SERPINB6: variants seen among roughly 807,000 people sequenced by gnomAD.
The protein encoded by SERPINB6 is serpin family B member 6.
A neutral mutation model predicts 26.1 loss-of-function variants in SERPINB6; 16 were observed. The ratio of observed to expected loss-of-function variants is 0.61; its 90% CI spans 0.42 to 0.93. The LOEUF (loss-of-function observed/expected upper bound fraction) is 0.93, where lower values mean the gene tolerates loss of function less well. Ranked by LOEUF, SERPINB6 falls within the 40% of genes least tolerant of loss-of-function variation. The pLI, the probability that SERPINB6 is intolerant of heterozygous loss-of-function variation, is 0.00. For synonymous variants in SERPINB6, 174 were observed against 176.6 expected (o/e 0.99, Z 0.11); for missense variants, 420 against 478.0 (o/e 0.88, Z 1.13).
rs773598446 is a variant in SERPINB6 at position 2,959,253 on chromosome 6, A to C, written c.80T>G (p.Val27Gly). Residue 27 changes from valine to glycine, a missense_variant, in exon 2 of 7, where the codon GTG (valine) becomes GGG (glycine). Physicochemically the swap from Val to Gly is moderately radical, Grantham distance 109. Coordinates refer to ENST00000380539, the MANE Select transcript of SERPINB6 (RefSeq NM_004568.6). ...GGACATGCTCATGGGTGAGAAAAAC[A>C]CATTCTTCGAGTTGTCTTTACCCAG... Reference protein sequence around the residue: ...KTLGKDNSKNVFFSPMSMSCA... With the variant: ...KTLGKDNSKNGFFSPMSMSCA... 4 of 1,614,200 alleles carry C rather than the reference A, an allele frequency of 2.5e-6. No individual in the cohort carries two copies. The highest frequency in any genetic ancestry group is 3.4e-6 in the Non-Finnish European group (4 of 1,180,040).
intron 1 of SERPINB6, among the ~76,000 whole-genome samples, chr6:2,962,378 G>C (rs1321021024): frequency 1.3e-5 from 2 of 152,230 alleles, no homozygotes; most frequent in Non-Finnish European, 2.9e-5. Flanking sequence ...CTGAACTGGA[G>C]AAACCAGACC....
intron 2 of SERPINB6, 34 bp from the exon 3 acceptor site, chr6:2,955,704 C>A: frequency 1.2e-6 from 2 of 1,612,898 alleles, no homozygotes; most frequent in Non-Finnish European, 1.7e-6. Flanking sequence ...ACAAATCATT[C>A]CTGTATGCTC....
Position 2,948,309 on chromosome 6 carries a change from A to G in SERPINB6, c.1120T>C (p.Ser374Pro). The G allele has an allele frequency of 6.2e-7, 1 of 1,613,658 alleles. No individual in the cohort carries two copies. ...TNGILFCGRF[S>P]SP Reference sequence around the variant, plus strand: ...AGACTGCCCTGTCCTCACGGAGAGGAAAAGCGGCCGCAGAAGAGAATCCCG... The same window carrying G: ...AGACTGCCCTGTCCTCACGGAGAGGGAAAGCGGCCGCAGAAGAGAATCCCG... Residue 374 changes from serine (S) to proline (P), a missense_variant, in exon 7 of 7, where the codon TCC (serine) becomes CCC (proline). Physicochemically the swap from Ser to Pro is moderately conservative, Grantham distance 74. Coordinates refer to ENST00000380539, the MANE Select transcript of SERPINB6 (RefSeq NM_004568.6). This position sits in a 1 kb window ranked among gnomAD's most constrained non-coding sequence, Gnocchi z 5.0.
Position 2,955,610 on chromosome 6 carries a change from G to A in SERPINB6, c.226C>T (p.Leu76Phe), listed in dbSNP as rs769353821. The A allele has an allele frequency of 3.1e-6, 5 of 1,614,230 alleles. No homozygotes were observed. Among genetic ancestry groups the A allele is most frequent in the Non-Finnish European group, 4.2e-6 (5 of 1,180,022 alleles). Reference protein sequence around the residue: ...GDIHQGFQSLLTEVNKTGTQY... With the variant: ...GDIHQGFQSLFTEVNKTGTQY... ...GTGCCAGTCTTGTTCACTTCGGTGA[G>A]AAGAGACTGGAAGCCCTGGTGGATG... is the stretch of plus-strand genomic sequence containing the variant. The change falls in exon 3 of 7, where the codon CTC becomes TTC. Residue 76 changes from leucine to phenylalanine, a missense_variant. Transcript: ENST00000380539.
Position 2,953,081 on chromosome 6 carries a change from T to C in SERPINB6, c.536A>G (p.Lys179Arg). Residue 179 changes from lysine (K) to arginine (R), a missense_variant, in exon 5 of 7, where the codon AAG becomes AGG. Transcript: ENST00000380539. ...FRGNWDEQFD[K>R]ENTEERLFKV... The stretch of plus-strand genomic sequence containing the variant: ...AAACAGTCTCTCCTCGGTGTTCTCC[T>C]TGTCAAACTGTTCATCCCAGTTTCC... 1.9e-6 allele frequency: 3 copies of C among 1,614,240 alleles called. No individual in the cohort carries two copies. Among genetic ancestry groups the C allele is most frequent in the Non-Finnish European group, 2.5e-6 (3 of 1,180,034 alleles).
intron 1 of SERPINB6, chr6:2,968,815 A>G: frequency 1.6e-6 from 2 of 1,231,624 alleles, no homozygotes; most frequent in Non-Finnish European, 2.0e-6. Context: ...AGGACATGTC[A>G]GCTGGGAGCT....
intron 1 of SERPINB6, among the ~76,000 whole-genome samples, chr6:2,965,331 C>T (rs991378081): frequency 9.2e-5 from 14 of 152,212 alleles, no homozygotes; most frequent in African/African-American, 2.7e-4. Context: ...TGAGCATGCG[C>T]GACTTTCACG....
At chr6:2,959,121 C>A (rs1427625059) in intron 2 of SERPINB6, 47 bp downstream of exon 2, 4 of 1,609,850 alleles carry the variant, frequency 2.5e-6, no homozygotes, top group African/African-American at 1.3e-5. Context: ...TAAGGAGGAC[C>A]AGCTAACTTG....
intron 1 of SERPINB6, chr6:2,970,431 G>A: frequency 9.4e-7 from 1 of 1,061,108 alleles, no homozygotes; most frequent in South Asian, 4.6e-5. Flanking sequence ...GCTGATAACA[G>A]CAGTCACTGG....
intron 5 of SERPINB6, 96 bp from the exon 6 acceptor site, chr6:2,949,165 G>C: frequency 1.5e-6 from 2 of 1,360,500 alleles, no homozygotes; most frequent in African/African-American, 1.4e-5. Context: ...AGGGAGAAAC[G>C]CAGCTCGGTT....
intron 1 of SERPINB6, chr6:2,969,111 A>G (rs1200858391): frequency 2.9e-6 from 3 of 1,047,760 alleles, no homozygotes; most frequent in Non-Finnish European, 3.4e-6. Context: ...TCCTAAAAGG[A>G]AAGAAAAAAT....
intron 2 of SERPINB6, among the ~76,000 whole-genome samples, chr6:2,958,676 A>G (rs550049365): frequency 2.2e-4 from 34 of 152,290 alleles, no homozygotes; most frequent in African/African-American, 7.7e-4. Context: ...GCACCACTCA[A>G]TCCACCCAGA....
chr6:2,961,745 G>A (rs1034059009), intron 1 of SERPINB6: 9 of 864,580 alleles, frequency 1.0e-5, no homozygotes, highest in Non-Finnish European at 1.1e-5. Context: ...TGCCAGGTGA[G>A]ATGGCTCCTC....
At chr6:2,951,155 G>A (rs1769741708) in intron 5 of SERPINB6, among the ~76,000 whole-genome samples, 1 of 152,172 alleles carries the variant, frequency 6.6e-6, no homozygotes, top group Non-Finnish European at 1.5e-5. Flanking sequence ...GGAGGCCCGG[G>A]CAGGTGGATC....
chr6:2,961,433 T>C (rs1196566414), intron 1 of SERPINB6: 2 of 152,164 alleles, frequency 1.3e-5, no homozygotes, highest in African/African-American at 2.4e-5. Flanking sequence ...GGAACACCAG[T>C]ATAAACAAAA....
At chr6:2,971,338 T>G in intron 1 of SERPINB6, 195 bp downstream of exon 1, 1 of 267,148 alleles carries the variant, frequency 3.7e-6, no homozygotes, top group Non-Finnish European at 5.8e-6. Flanking sequence ...CTGGGACTGC[T>G]GGGGTCACAG....
chr6:2,954,488 G>GA lies in SERPINB6; in HGVS notation c.430+103dup, dbSNP rs531475170. On this transcript the variant is annotated intron_variant, in intron 4 of 6. Transcript: ENST00000380539. ...TTTTTTAAGTTTGCAGTTATTCAGA[G>GA]AAAAAAAAATCATTCCTGTTTACAA... is the stretch of plus-strand genomic sequence containing the variant. 576 of 961,788 alleles carry GA rather than the reference G, an allele frequency of 6.0e-4. 1 individual carries two copies. Among genetic ancestry groups the GA allele is most frequent in the African/African-American group, 6.8e-4 (42 of 61,454 alleles). 59.6% of individuals were successfully genotyped at this position (961,788 alleles called of 1,614,324 possible).
intron 5 of SERPINB6, among the ~76,000 whole-genome samples, chr6:2,951,024 G>A (rs547963147): frequency 7.2e-5 from 11 of 152,296 alleles, no homozygotes; most frequent in South Asian, 2.1e-4. Context: ...ACTATTTTCC[G>A]GTTTGTGGCT....
intron 2 of SERPINB6, chr6:2,958,287 G>C (rs954325200): frequency 6.6e-6 from 1 of 152,360 alleles, no homozygotes; most frequent in Non-Finnish European, 1.5e-5. Context: ...GCCTACACCT[G>C]GATCTCAGGC....
Sources: allele counts gnomAD v4.1 joint callset (sites outside exome capture counted in the v4.1 genomes callset), GRCh38; gene constraint gnomAD v4.1.1; non-coding constraint Gnocchi (gnomAD v3.1); transcripts MANE v1.5; gene names NCBI Gene and HGNC (gene_info 2026-07-23, HGNC 2026-07-21).